The following ANKS1B variants were observed in gnomAD, a reference collection of about 807,000 sequenced individuals.
ANKS1B encodes ankyrin repeat and sterile alpha motif domain containing 1B.
ANKS1B carries 36 observed loss-of-function variants against 148.3 expected under a neutral mutation model. The ratio of observed to expected loss-of-function variants is 0.24; its 90% CI spans 0.19 to 0.32. ANKS1B has a LOEUF of 0.32. Among genes scored for constraint, ANKS1B ranks in the 10% least tolerant of loss-of-function variants. ANKS1B has a pLI of 1.00. For missense variants in ANKS1B, 1,157 were observed against 1,542.6 expected (o/e 0.75, Z 4.19); for synonymous variants, 542 against 560.8 (o/e 0.97, Z 0.47).
rs1474754899 is a variant in ANKS1B at position 99,113,845 on chromosome 12, G to A, written c.2527-28822C>T. 2.0e-5 allele frequency among the ~76,000 whole-genome samples: 3 copies of A among 152,094 alleles called. 1 individual carries two copies. The South Asian group carries it at 6.2e-4, about 32-fold the overall frequency. Reference sequence around the variant, plus strand: ...TATAACTCTTCTGGCCAGAGATTTTGTATTGATTTGTATATTCTAATTAAG... The same window carrying A: ...TATAACTCTTCTGGCCAGAGATTTTATATTGATTTGTATATTCTAATTAAG... On this transcript the variant is annotated intron_variant, in intron 15 of 26. Transcript: ENST00000683438.
intron 17 of ANKS1B, among the ~76,000 whole-genome samples, chr12:98,885,167 A>G (rs556627743): frequency 1.3e-5 from 2 of 152,340 alleles, no homozygotes; most frequent in South Asian, 4.1e-4. Context: ...ACTGCTTCAC[A>G]GAACTTCCCT....
intron 8 of ANKS1B, among the ~76,000 whole-genome samples, chr12:99,763,084 A>C (rs1260702698): frequency 6.6e-6 from 1 of 152,156 alleles, no homozygotes; most frequent in African/African-American, 2.4e-5. Context: ...AATAGTTTGG[A>C]GACTTCTCAA....
At chr12:99,221,926 A>G (rs1279973052) in intron 14 of ANKS1B, among the ~76,000 whole-genome samples, 2 of 152,134 alleles carry the variant, frequency 1.3e-5, no homozygotes, top group African/African-American at 4.8e-5. Flanking sequence ...ATTGATAGGG[A>G]GATAGTTAAA....
chr12:99,038,144 T>C (rs1216562648), intron 17 of ANKS1B, among the ~76,000 whole-genome samples: 1 of 152,182 alleles, frequency 6.6e-6, no homozygotes, highest in East Asian at 1.9e-4. Context: ...AATCATTTGT[T>C]TTAAATGCAG....
At chr12:99,250,302 C>G (rs1024511813) in intron 12 of ANKS1B, among the ~76,000 whole-genome samples, 7 of 152,138 alleles carry the variant, frequency 4.6e-5, no homozygotes, top group Admixed American at 4.6e-4. Context: ...ACTATGGGCT[C>G]TACGATTGTT....
intron 14 of ANKS1B, among the ~76,000 whole-genome samples, chr12:99,214,135 T>C (rs1445788055): frequency 6.6e-6 from 1 of 151,998 alleles, no homozygotes; most frequent in Non-Finnish European, 1.5e-5. Flanking sequence ...AAAAAAAATC[T>C]GTCTAAATAA....
intron 12 of ANKS1B, among the ~76,000 whole-genome samples, chr12:99,322,328 T>C (rs1486233161): frequency 6.7e-6 from 1 of 149,980 alleles, no homozygotes; most frequent in African/African-American, 2.5e-5. Flanking sequence ...CACAGGGGGG[T>C]GAACAACACA....
rs1237410893 is a variant in ANKS1B at position 99,611,367 on chromosome 12, C to T, written c.1272+43700G>A. Among the ~76,000 whole-genome samples the T allele has an allele frequency of 2.0e-5, 3 of 152,066 alleles. No individual in the cohort carries two copies. In the East Asian group the frequency reaches 5.8e-4, roughly 29 times the overall value. On this transcript the variant is annotated intron_variant, in intron 9 of 26. Coordinates refer to ENST00000683438, the MANE Select transcript of ANKS1B (RefSeq NM_001352186.2). ...CATGCCAGGCATTTAACCTAATCAT[C>T]ACTTTGTAATTTAAAATTTCCCCAT...
intron 9 of ANKS1B, among the ~76,000 whole-genome samples, chr12:99,587,875 G>T (rs1312443616): frequency 6.6e-6 from 1 of 152,024 alleles, no homozygotes; most frequent in Non-Finnish European, 1.5e-5. Context: ...CAACATGGAG[G>T]GATTGAAAGG....
intron 16 of ANKS1B, among the ~76,000 whole-genome samples, chr12:99,062,970 G>T (rs2042932904): frequency 1.3e-5 from 2 of 152,290 alleles, no homozygotes; most frequent in Non-Finnish European, 2.9e-5. Flanking sequence ...TAGACTTGGT[G>T]AGAGCTGGAT....
chr12:99,253,758 G>A (rs1257899756), intron 12 of ANKS1B, among the ~76,000 whole-genome samples: 5 of 152,136 alleles, frequency 3.3e-5, no homozygotes, highest in Admixed American at 6.5e-5. Context: ...AAAGAGACAC[G>A]CTACAGTGAA....
intron 17 of ANKS1B, among the ~76,000 whole-genome samples, chr12:98,992,876 A>G (rs944134800): frequency 1.3e-5 from 2 of 152,184 alleles, no homozygotes; most frequent in African/African-American, 4.8e-5. Flanking sequence ...GCAAGGATCT[A>G]TGATGCCTGT....
intron 1 of ANKS1B, among the ~76,000 whole-genome samples, chr12:99,975,999 T>C (rs1366680577): frequency 1.3e-5 from 2 of 152,202 alleles, no homozygotes; most frequent in Non-Finnish European, 2.9e-5. Context: ...ATATACACCA[T>C]GGAATACTAG....
At chr12:99,594,514 T>G (rs185057344) in intron 9 of ANKS1B, among the ~76,000 whole-genome samples, 1 of 152,088 alleles carries the variant, frequency 6.6e-6, no homozygotes, top group East Asian at 1.9e-4. Context: ...AGACACACAC[T>G]CATACGGTGG....
At chr12:99,358,735 C>T (rs1457872216) in intron 12 of ANKS1B, among the ~76,000 whole-genome samples, 1 of 151,918 alleles carries the variant, frequency 6.6e-6, no homozygotes, top group South Asian at 2.1e-4. Context: ...CATCACACAT[C>T]ATCCAAACAA....
chr12:99,292,759 A>G (rs1397837232), intron 12 of ANKS1B, among the ~76,000 whole-genome samples: 2 of 152,206 alleles, frequency 1.3e-5, no homozygotes, highest in Admixed American at 6.5e-5. Context: ...AATGCTCATC[A>G]TCACTGGGTA....
chr12:99,629,201 A>T (rs546042996), intron 9 of ANKS1B, among the ~76,000 whole-genome samples: 1 of 152,300 alleles, frequency 6.6e-6, no homozygotes, highest in African/African-American at 2.4e-5. Context: ...GCCATAGACC[A>T]TCCATTCACT....
intron 1 of ANKS1B, among the ~76,000 whole-genome samples, chr12:99,972,491 C>T (rs948311070): frequency 6.6e-6 from 1 of 152,154 alleles, no homozygotes; most frequent in Non-Finnish European, 1.5e-5. Context: ...CACAACATTC[C>T]CTTAAGGCAA....
intron 17 of ANKS1B, among the ~76,000 whole-genome samples, chr12:98,958,138 TTC>T (rs1446765468): frequency 6.6e-6 from 1 of 152,184 alleles, no homozygotes; most frequent in Non-Finnish European, 1.5e-5. Flanking sequence ...TCTCTATTTC[TTC>T]TCTCTTTTTC....
Sources: gnomAD v4.1 joint callset for allele counts (sites outside exome capture counted in the v4.1 genomes callset) on GRCh38, gnomAD v4.1.1 for gene constraint, MANE v1.5 for transcripts, NCBI Gene and HGNC (gene_info 2026-07-23, HGNC 2026-07-21) for gene names.